Variants in NHS observed in about 807,000 individuals in gnomAD.
NHS encodes actin remodeling regulator NHS.
In NHS, 5 loss-of-function variants were observed where a neutral mutation model predicts 72.5. That is an observed-to-expected ratio of 0.07 (90% confidence interval 0.04 to 0.14). The LOEUF (loss-of-function observed/expected upper bound fraction) is 0.14. Among genes scored for constraint, NHS ranks in the 10% least tolerant of loss-of-function variants. The probability of loss-of-function intolerance (pLI) is 1.00; values close to 1 mark genes in which losing one functional copy is unlikely to be tolerated. For synonymous variants in NHS, 464 were observed against 547.7 expected, an observed-to-expected ratio of 0.85 and a Z score of 2.13; for missense variants, 1,072 against 1,355.7, an observed-to-expected ratio of 0.79 and a Z score of 3.29.
chrX:17,469,862 C>CA (rs1202696625), intron 1 of NHS, among the ~76,000 whole-genome samples: 2 of 111,947 alleles, frequency 1.8e-5, no homozygotes, highest in African/African-American at 6.5e-5. Context: ...AGGCTGGTCT[C>CA]AAACTCCTTA....
chrX:17,726,468 A>G lies in NHS; in HGVS notation c.2362A>G (p.Met788Val). 2 of 1,212,045 alleles carry G rather than the reference A, an allele frequency of 1.7e-6. No homozygotes were observed. Among genetic ancestry groups the G allele is most frequent in the Non-Finnish European group, 1.1e-6 (1 of 895,556 alleles). ...AGACACGGAAGGATACTATACCTCCATGCACTTTGACTGTGGTCTCAAAGG... is the reference window on the plus strand; with the variant it reads ...AGACACGGAAGGATACTATACCTCCGTGCACTTTGACTGTGGTCTCAAAGG... ...SVDTEGYYTSMHFDCGLKGNK... is the reference protein window; with the variant it reads ...SVDTEGYYTSVHFDCGLKGNK... The change falls in exon 7 of 9, where the codon ATG (methionine) becomes GTG (valine). Residue 788 changes from methionine (M) to valine (V), a missense_variant. Coordinates refer to ENST00000676302, the MANE Select transcript of NHS (RefSeq NM_001291867.2).
At chrX:17,537,607 C>T (rs1403482292) in intron 1 of NHS, among the ~76,000 whole-genome samples, 1 of 112,145 alleles carries the variant, frequency 8.9e-6, no homozygotes, top group East Asian at 2.8e-4. Flanking sequence ...ATGGAGGTGG[C>T]CTGTTGGCTC....
chrX:17,536,664 A>C (rs2065225921), intron 1 of NHS, among the ~76,000 whole-genome samples: 1 of 112,533 alleles, frequency 8.9e-6, no homozygotes, highest in African/African-American at 3.2e-5. Context: ...GGAACCCAAT[A>C]AATTGCTTCT....
intron 1 of NHS, among the ~76,000 whole-genome samples, chrX:17,584,741 C>G (rs1337136140): frequency 2.7e-5 from 3 of 111,332 alleles, no homozygotes; most frequent in Admixed American, 9.5e-5. Context: ...TTTTCAATAC[C>G]TTTTCACAAA....
chrX:17,681,084 C>A (rs1350342559), intron 1 of NHS, among the ~76,000 whole-genome samples: 1 of 112,090 alleles, frequency 8.9e-6, no homozygotes, highest in Non-Finnish European at 1.9e-5. Context: ...AGGTCACAGG[C>A]TCCCCAGTTG....
intron 1 of NHS, among the ~76,000 whole-genome samples, chrX:17,624,719 G>A (rs2065789388): frequency 8.8e-6 from 1 of 113,044 alleles, no homozygotes; most frequent in African/African-American, 3.2e-5. Flanking sequence ...GTTATTTGTG[G>A]GTTTTGGACT....
intron 1 of NHS, among the ~76,000 whole-genome samples, chrX:17,424,097 A>G (rs1338797743): frequency 8.9e-6 from 1 of 112,392 alleles, no homozygotes; most frequent in Non-Finnish European, 1.9e-5. Context: ...TGGAGGGAGG[A>G]AGTGGTGTCA....
chrX:17,557,305 A>G (rs2065383051), intron 1 of NHS: 1 of 102,433 alleles, frequency 9.8e-6, no homozygotes, highest in African/African-American at 3.8e-5. Flanking sequence ...CTGGGAGAAT[A>G]TTTAGTGACA....
intron 1 of NHS, among the ~76,000 whole-genome samples, chrX:17,650,212 C>A (rs1367155870): frequency 8.9e-6 from 1 of 112,584 alleles, no homozygotes; most frequent in Admixed American, 9.4e-5. Flanking sequence ...AATCACAGAA[C>A]ATATTACTTC....
At chrX:17,492,277 A>G (rs1038126702) in intron 1 of NHS, among the ~76,000 whole-genome samples, 1 of 112,362 alleles carries the variant, frequency 8.9e-6, no homozygotes, top group Non-Finnish European at 1.9e-5. Context: ...ATTTAGTGCT[A>G]TAAGTTTCCC....
chrX:17,728,146 G>A lies in NHS; in HGVS notation c.4040G>A (p.Ser1347Asn). ...SNQFKHQFVM[S>N]RHHDKVPGTI... Reference sequence around the variant, plus strand: ...CAATTTAAGCATCAATTTGTTATGAGCCGCCACCATGACAAAGTGCCTGGT... The same window carrying A: ...CAATTTAAGCATCAATTTGTTATGAACCGCCACCATGACAAAGTGCCTGGT... The change falls in exon 7 of 9, where the codon AGC (serine) becomes AAC (asparagine). Residue 1347 changes from serine (S) to asparagine (N), a missense_variant. Physicochemically the swap from Ser to Asn is conservative, Grantham distance 46. Transcript: ENST00000676302. The A allele has an allele frequency of 5.0e-6, 6 of 1,211,659 alleles. No homozygotes were observed. Among genetic ancestry groups the A allele is most frequent in the Non-Finnish European group, 6.7e-6 (6 of 895,466 alleles).
Position 17,727,225 on chromosome X carries a change from T to C in NHS, c.3119T>C (p.Phe1040Ser), listed in dbSNP as rs2066452002. 1 of 1,210,396 alleles carries C rather than the reference T, an allele frequency of 8.3e-7. No individual in the cohort carries two copies. The highest frequency in any genetic ancestry group is 1.1e-6 in the Non-Finnish European group (1 of 895,262). Residue 1040 changes from phenylalanine to serine, a missense_variant, in exon 7 of 9, where the codon TTC becomes TCC. Transcript: ENST00000676302. ...CCAACATCCTCTTTCCCTACAGCTT[T>C]CTTTTCAGGTCCATTGTCTCCCGGA... ...ETPTSSFPTA[F>S]FSGPLSPGGS...
intron 1 of NHS, among the ~76,000 whole-genome samples, chrX:17,551,521 G>A (rs1280173769): frequency 1.8e-5 from 2 of 111,982 alleles, no homozygotes; most frequent in African/African-American, 3.3e-5. Flanking sequence ...TCTTCCTCCC[G>A]TAAACACAGC....
chrX:17,719,433 C>T lies in NHS; in HGVS notation c.915+27C>T, dbSNP rs546420013. ...TATTGGTTCTGAGAACATTCCTTCA[C>T]GGCCCTATCCCACTCTGTCCAGACA... On this transcript the variant is annotated intron_variant, in intron 4 of 8. Coordinates refer to ENST00000676302, the MANE Select transcript of NHS (RefSeq NM_001291867.2). The T allele has an allele frequency of 4.5e-5, 49 of 1,083,211 alleles. No homozygotes were observed. In the Admixed American group the frequency reaches 4.8e-4, roughly 11 times the overall value. The allele number at this position is 1,083,211 out of a possible 1,213,427, so 89.3% of individuals were successfully genotyped here.
chrX:17,671,146 C>A (rs1158226998), intron 1 of NHS, among the ~76,000 whole-genome samples: 1 of 112,490 alleles, frequency 8.9e-6, no homozygotes, highest in Non-Finnish European at 1.9e-5. Flanking sequence ...ACCCTTTGGG[C>A]CAACCAGGTG....
chrX:17,515,608 G>A (rs1381449483), intron 1 of NHS, among the ~76,000 whole-genome samples: 1 of 112,019 alleles, frequency 8.9e-6, no homozygotes, highest in Non-Finnish European at 1.9e-5. Context: ...GCCTGTTGAA[G>A]TCTGGAAAAC....
chrX:17,632,978 G>A (rs945567761), intron 1 of NHS, among the ~76,000 whole-genome samples: 1 of 112,156 alleles, frequency 8.9e-6, no homozygotes, highest in Non-Finnish European at 1.9e-5. Flanking sequence ...TGTTTGTTGA[G>A]TGGATAAAAA....
At chrX:17,715,668 G>T (rs956291084) in intron 3 of NHS, among the ~76,000 whole-genome samples, 1 of 111,026 alleles carries the variant, frequency 9.0e-6, no homozygotes, top group African/African-American at 3.3e-5. Flanking sequence ...TGTCATGGGG[G>T]TTTGTTGTAC....
chrX:17,537,434 T>C (rs2065232239), intron 1 of NHS, among the ~76,000 whole-genome samples: 1 of 112,642 alleles, frequency 8.9e-6, no homozygotes, highest in Non-Finnish European at 1.9e-5. Context: ...GCTGAAAAAC[T>C]TCCAGTAATA....
Sources: gnomAD v4.1 joint callset for allele counts (sites outside exome capture counted in the v4.1 genomes callset) on GRCh38, gnomAD v4.1.1 for gene constraint, MANE v1.5 for transcripts, NCBI Gene and HGNC (gene_info 2026-07-23, HGNC 2026-07-21) for gene names.